Variants in EEA1 observed in about 807,000 individuals in gnomAD.
The protein encoded by EEA1 is early endosome antigen 1, 162kD.
EEA1 carries 111 observed loss-of-function variants against 209.2 expected under a neutral mutation model. The ratio of observed to expected loss-of-function variants is 0.53; its 90% CI spans 0.45 to 0.62. EEA1 has a LOEUF of 0.62. Among genes scored for constraint, EEA1 ranks in the 20% least tolerant of loss-of-function variants. The probability of loss-of-function intolerance (pLI) is 0.00; values close to 1 mark genes in which losing one functional copy is unlikely to be tolerated. For synonymous variants in EEA1, 536 were observed against 540.6 expected (o/e 0.99, Z 0.12); for missense variants, 1,343 against 1,530.8 (o/e 0.88, Z 2.05).
chr12:92,906,597 G>C (rs1880395100), intron 1 of EEA1, among the ~76,000 whole-genome samples: 1 of 152,124 alleles, frequency 6.6e-6, no homozygotes, highest in Admixed American at 6.5e-5. Context: ...CGGATCACGA[G>C]GTCAGGAGAT....
At chr12:92,785,303 G>A (rs1042075949) in intron 22 of EEA1, among the ~76,000 whole-genome samples, 59 of 152,114 alleles carry the variant, frequency 3.9e-4, no homozygotes, top group African/African-American at 1.2e-3. Flanking sequence ...GCATAGATCA[G>A]GCCAGGCTAC....
intron 6 of EEA1, among the ~76,000 whole-genome samples, chr12:92,853,260 TATAA>T (rs1372773421): frequency 1.3e-5 from 2 of 152,232 alleles, no homozygotes; most frequent in Non-Finnish European, 2.9e-5. Flanking sequence ...CTAAATAATC[TATAA>T]ATATTTTATT....
Position 92,776,019 on chromosome 12 carries a change from G to A in EEA1, c.4228C>T (p.Gln1410Ter), listed in dbSNP as rs200828068. 1 of 1,610,344 alleles carries A rather than the reference G, an allele frequency of 6.2e-7. No individual in the cohort carries two copies. The highest frequency in any genetic ancestry group is 1.3e-5 in the African/African-American group (1 of 74,842). The change falls in exon 29 of 29, where the codon CAA (glutamine) becomes TAA (stop). Residue 1410 changes from glutamine (Q) to a stop codon, truncating the protein, a stop_gained. Transcript: ENST00000322349. LOFTEE classifies it high-confidence loss of function. ...GAAGTTGTGATAACCCATTATCCTT[G>A]CAAGTCATTGAAACATGCATCACAG... ...RVCDACFNDL[Q>*]G is the part of the protein sequence containing the mutation.
At chr12:92,842,748 T>C (rs1291876781) in intron 9 of EEA1, among the ~76,000 whole-genome samples, 167 bp from the exon 10 acceptor site, 1 of 152,216 alleles carries the variant, frequency 6.6e-6, no homozygotes, top group Non-Finnish European at 1.5e-5. Flanking sequence ...TTTTTCGGCT[T>C]ACGACAAATT....
At chr12:92,780,015 C>G (rs1873834504) in intron 24 of EEA1, among the ~76,000 whole-genome samples, 1 of 152,054 alleles carries the variant, frequency 6.6e-6, no homozygotes, top group Non-Finnish European at 1.5e-5. Context: ...CAATACATCT[C>G]TTGATTATCA....
intron 28 of EEA1, 150 bp from the exon 29 acceptor site, chr12:92,776,283 C>T: frequency 2.9e-6 from 2 of 691,154 alleles, no homozygotes; most frequent in Non-Finnish European, 4.4e-6. Context: ...AATATGTTAA[C>T]TTAATCTCTG....
At chr12:92,875,020 C>T (rs533160712) in intron 2 of EEA1, among the ~76,000 whole-genome samples, 12 of 151,996 alleles carry the variant, frequency 7.9e-5, no homozygotes, top group African/African-American at 1.5e-4. Context: ...AAGTAATATA[C>T]GATTTTTTAA....
chr12:92,928,297 A>G (rs1310866774), intron 1 of EEA1, among the ~76,000 whole-genome samples: 1 of 152,188 alleles, frequency 6.6e-6, no homozygotes, highest in Non-Finnish European at 1.5e-5. Flanking sequence ...TTCTATCCTC[A>G]AGGTTTTCCA....
At chr12:92,840,290 C>T (rs1204870412) in intron 10 of EEA1, among the ~76,000 whole-genome samples, 1 of 152,138 alleles carries the variant, frequency 6.6e-6, no homozygotes, top group Non-Finnish European at 1.5e-5. Flanking sequence ...AGTACCTCCC[C>T]TAACCCCAAA....
At chr12:92,894,548 A>C (rs1043519752) in intron 1 of EEA1, among the ~76,000 whole-genome samples, 1 of 152,158 alleles carries the variant, frequency 6.6e-6, no homozygotes, top group Non-Finnish European at 1.5e-5. Context: ...ATTGCTGAGA[A>C]TGTTTTAGTG....
chr12:92,809,321 T>C (rs940803471), intron 17 of EEA1, among the ~76,000 whole-genome samples, 165 bp from the exon 18 acceptor site: 1 of 151,928 alleles, frequency 6.6e-6, no homozygotes, highest in Non-Finnish European at 1.5e-5. Flanking sequence ...GTGTTATTTA[T>C]TTTAAAATCT....
At chr12:92,832,929 G>C (rs935387776) in intron 10 of EEA1, 79 bp from the exon 11 acceptor site, 1 of 1,012,708 alleles carries the variant, frequency 9.9e-7, no homozygotes, top group Admixed American at 2.8e-5. Context: ...CTTTGGAGCA[G>C]TACTGTCTCC....
chr12:92,868,912 G>C (rs1878512994), intron 2 of EEA1, among the ~76,000 whole-genome samples: 1 of 151,646 alleles, frequency 6.6e-6, no homozygotes, highest in South Asian at 2.1e-4. Flanking sequence ...ACATTTTATA[G>C]TTTGCCTGCT....
At chr12:92,846,336 C>T (rs1449044152) in intron 9 of EEA1, among the ~76,000 whole-genome samples, 5 of 152,140 alleles carry the variant, frequency 3.3e-5, no homozygotes, top group Non-Finnish European at 7.4e-5. Flanking sequence ...GCAGACAAGA[C>T]TGACAAAAGT....
chr12:92,846,259 T>C (rs1350061230), intron 9 of EEA1, among the ~76,000 whole-genome samples: 2 of 152,112 alleles, frequency 1.3e-5, no homozygotes, highest in Non-Finnish European at 2.9e-5. Context: ...AAAATCACAT[T>C]ACCTCAAGTT....
rs145846443 is a variant in EEA1, at chr12:92,885,595, C to T, written c.117+6034G>A. ...AATCTGAAGAATTTCAAGCTCAGAA[C>T]TTAATTTACGGCAGTCCCCAGTTAA... On this transcript the variant is annotated intron_variant, in intron 2 of 28. Transcript: ENST00000322349. Among the ~76,000 whole-genome samples, 337 of 152,314 alleles carry T rather than the reference C, an allele frequency of 2.2e-3. 2 individuals carry two copies. The highest frequency in any genetic ancestry group is 7.4e-3 in the African/African-American group (307 of 41,560).
intron 1 of EEA1, among the ~76,000 whole-genome samples, chr12:92,908,455 C>T (rs1488896687): frequency 2.6e-5 from 4 of 151,982 alleles, no homozygotes; most frequent in Non-Finnish European, 2.9e-5. Flanking sequence ...TTTTAAATTA[C>T]GTATATTTTG....
chr12:92,808,923 A>G, intron 18 of EEA1, 94 bp downstream of exon 18: 1 of 1,039,700 alleles, frequency 9.6e-7, no homozygotes, highest in East Asian at 2.8e-5. Context: ...TAAGTCTTTA[A>G]GCACTACGAT....
At chr12:92,921,759 G>GAAAAAAAAA (rs751838383) in intron 1 of EEA1, among the ~76,000 whole-genome samples, 5 of 76,708 alleles carry the variant, frequency 6.5e-5, no homozygotes, top group Non-Finnish European at 9.5e-5. Context: ...TAAAAAAAAA[G>GAAAAAAAAA]AAAAAAAAAA....
Sources: gnomAD v4.1 joint callset for allele counts (sites outside exome capture counted in the v4.1 genomes callset) on GRCh38, gnomAD v4.1.1 for gene constraint, MANE v1.5 for transcripts, NCBI Gene and HGNC (gene_info 2026-07-23, HGNC 2026-07-21) for gene names.